The following PPM1H variants were observed in gnomAD, a reference collection of about 807,000 sequenced individuals.
PPM1H encodes the protein protein phosphatase, Mg2+/Mn2+ dependent 1H, also known as protein phosphatase 1H.
A neutral mutation model predicts 54.9 loss-of-function variants in PPM1H; 27 were observed. The observed-to-expected ratio is 0.49, with a 90% confidence interval of 0.36 to 0.68. The LOEUF is 0.68. Among genes scored for constraint, PPM1H ranks in the 30% least tolerant of loss-of-function variants. The pLI is 0.00. For missense variants in PPM1H, 596 were observed against 667.8 expected (o/e 0.89, Z 1.19); for synonymous variants, 305 against 270.8 (o/e 1.13, Z -1.24).
chr12:62,704,790 C>T (rs2076164010), intron 6 of PPM1H, among the ~76,000 whole-genome samples: 2 of 152,136 alleles, frequency 1.3e-5, no homozygotes, highest in South Asian at 4.1e-4. Flanking sequence ...ATAATGGGGC[C>T]CAAGCTCTGG....
intron 1 of PPM1H, among the ~76,000 whole-genome samples, chr12:62,880,684 A>G (rs1870361404): frequency 6.6e-6 from 1 of 152,178 alleles, no homozygotes; most frequent in African/African-American, 2.4e-5. Context: ...CATTCTGCAG[A>G]CTTATGCCAC....
At chr12:62,872,072 T>C (rs1250191874) in intron 1 of PPM1H, among the ~76,000 whole-genome samples, 1 of 152,196 alleles carries the variant, frequency 6.6e-6, no homozygotes, top group Non-Finnish European at 1.5e-5. Context: ...AAACCTAAAG[T>C]TTAATGTGTG....
chr12:62,797,186 A>G (rs973397355), intron 3 of PPM1H, among the ~76,000 whole-genome samples: 1 of 152,172 alleles, frequency 6.6e-6, no homozygotes, highest in African/African-American at 2.4e-5. Context: ...TCTTATAAAT[A>G]AAGCAAAAAC....
chr12:62,915,787 GTA>G (rs1801338878), intron 1 of PPM1H, among the ~76,000 whole-genome samples: 1 of 152,212 alleles, frequency 6.6e-6, no homozygotes. Flanking sequence ...AAGAACCATT[GTA>G]TGTCTAGTGT....
chr12:62,832,161 G>A lies in PPM1H; in HGVS notation c.364C>T (p.Arg122Trp), dbSNP rs773011134. ...CCTTCCCCATTGGGAAGGGAGGACC[G>A]TCTCTTGGATGAGTTCCTGTTTGGG... ...STPNRNSSKR[R>W]SSLPNGEGLQ... is the part of the protein sequence containing the mutation. The change falls in exon 2 of 10, where the codon CGG becomes TGG. Residue 122 changes from arginine (R) to tryptophan (W), a missense_variant. This residue lies in a region of PPM1H where 382 missense variants were observed against 387.1 expected (regional missense o/e 0.99). Coordinates refer to ENST00000228705, the MANE Select transcript of PPM1H (RefSeq NM_020700.2). 3.3e-5 allele frequency: 54 copies of A among 1,613,734 alleles called. No homozygotes were observed. The highest frequency in any genetic ancestry group is 8.3e-5 in the Admixed American group (5 of 59,994).
chr12:62,932,477 T>G (rs1872170478), intron 1 of PPM1H, among the ~76,000 whole-genome samples: 1 of 152,162 alleles, frequency 6.6e-6, no homozygotes, highest in Non-Finnish European at 1.5e-5. Context: ...TGCCTGCTTT[T>G]CCTTCTCGCC....
At chr12:62,795,602 C>T (rs1412541014) in intron 3 of PPM1H, among the ~76,000 whole-genome samples, 1 of 151,970 alleles carries the variant, frequency 6.6e-6, no homozygotes, top group African/African-American at 2.4e-5. Context: ...CACCACCACG[C>T]CCAGCTAATT....
intron 9 of PPM1H, among the ~76,000 whole-genome samples, chr12:62,654,751 C>T (rs1397893062): frequency 6.6e-6 from 1 of 152,168 alleles, no homozygotes; most frequent in East Asian, 1.9e-4. Context: ...TTTAACTTCA[C>T]ACTTTTCCTG....
chr12:62,816,337 G>C (rs1467814604), intron 2 of PPM1H, among the ~76,000 whole-genome samples: 1 of 152,206 alleles, frequency 6.6e-6, no homozygotes, highest in Non-Finnish European at 1.5e-5. Flanking sequence ...TCTGGAAAAT[G>C]CTCTGAAATC....
intron 2 of PPM1H, among the ~76,000 whole-genome samples, chr12:62,811,974 A>G (rs1169132805): frequency 6.6e-6 from 1 of 152,244 alleles, no homozygotes; most frequent in African/African-American, 2.4e-5. Context: ...GCCAACAGTG[A>G]AACTGGGGTA....
At chr12:62,838,634 T>G (rs1565805036) in intron 1 of PPM1H, among the ~76,000 whole-genome samples, 1 of 144,478 alleles carries the variant, frequency 6.9e-6, no homozygotes, top group Non-Finnish European at 1.5e-5. Context: ...GAATAATAGC[T>G]TCTCTGGCCG....
chr12:62,710,663 C>T (rs915861886), intron 6 of PPM1H, among the ~76,000 whole-genome samples: 1 of 152,124 alleles, frequency 6.6e-6, no homozygotes, highest in Non-Finnish European at 1.5e-5. Flanking sequence ...AAGAGCTCTA[C>T]GTTTTCTGTG....
chr12:62,800,464 G>A (rs2076760927), intron 3 of PPM1H, among the ~76,000 whole-genome samples: 1 of 152,064 alleles, frequency 6.6e-6, no homozygotes, highest in South Asian at 2.1e-4. Context: ...AGCCTCCCAA[G>A]TAGCTGGGAT....
intron 3 of PPM1H, among the ~76,000 whole-genome samples, chr12:62,792,489 A>G (rs999757765): frequency 6.6e-6 from 1 of 152,222 alleles, no homozygotes; most frequent in African/African-American, 2.4e-5. Flanking sequence ...TGCGTTTGCC[A>G]CTTCCCTCCC....
chr12:62,670,387 A>G (rs2075950273), intron 8 of PPM1H, among the ~76,000 whole-genome samples: 1 of 152,178 alleles, frequency 6.6e-6, no homozygotes, highest in East Asian at 1.9e-4. Flanking sequence ...GGATGTCTCA[A>G]TCTTATGCTT....
chr12:62,883,248 C>T (rs1437357496), intron 1 of PPM1H, among the ~76,000 whole-genome samples: 1 of 152,088 alleles, frequency 6.6e-6, no homozygotes, highest in Non-Finnish European at 1.5e-5. Flanking sequence ...CCTCTGAACA[C>T]AGGATGCTGA....
At chr12:62,695,672 T>C (rs757303670) in intron 6 of PPM1H, among the ~76,000 whole-genome samples, 8 of 151,944 alleles carry the variant, frequency 5.3e-5, no homozygotes, top group African/African-American at 1.9e-4. Context: ...AGAATTTGGG[T>C]TTTTTAAAGC....
At chr12:62,811,006 T>C (rs573758212) in intron 2 of PPM1H, among the ~76,000 whole-genome samples, 4 of 152,290 alleles carry the variant, frequency 2.6e-5, no homozygotes, top group African/African-American at 7.2e-5. Flanking sequence ...ATCTAGAATA[T>C]GATCAGGTAA....
At chr12:62,917,680 A>G (rs1871665886) in intron 1 of PPM1H, among the ~76,000 whole-genome samples, 1 of 152,210 alleles carries the variant, frequency 6.6e-6, no homozygotes, top group Admixed American at 6.5e-5. Flanking sequence ...AGAAAAGCCT[A>G]AACATTTAGT....
Sources: allele counts gnomAD v4.1 joint callset (sites outside exome capture counted in the v4.1 genomes callset), GRCh38; gene constraint gnomAD v4.1.1; regional missense constraint gnomAD v4.1.1; transcripts MANE v1.5; gene names NCBI Gene and HGNC (gene_info 2026-07-23, HGNC 2026-07-21).